Variants in CREB3L1 observed in about 807,000 individuals in gnomAD.
The protein encoded by CREB3L1 is cyclic AMP-responsive element-binding protein 3-like protein 1.
CREB3L1 carries 33 observed loss-of-function variants against 54.5 expected under a neutral mutation model. That is an observed-to-expected ratio of 0.61 (90% CI 0.46 to 0.81). The LOEUF (loss-of-function observed/expected upper bound fraction) is 0.81. CREB3L1 is among the 30% of genes least tolerant of loss of function. The pLI, the probability that CREB3L1 is intolerant of heterozygous loss-of-function variation, is 0.00. For missense variants in CREB3L1, 656 were observed against 673.3 expected, an observed-to-expected ratio of 0.97 and a Z score of 0.29; for synonymous variants, 284 against 286.4, an observed-to-expected ratio of 0.99 and a Z score of 0.08.
intron 1 of CREB3L1, among the ~76,000 whole-genome samples, chr11:46,290,167 G>A (rs1286072500): frequency 1.3e-5 from 2 of 152,114 alleles, no homozygotes; most frequent in African/African-American, 2.4e-5. Context: ...GAGGCCCAAG[G>A]CAACTCCGCC....
chr11:46,282,574 CT>C (rs1045680917), intron 1 of CREB3L1, among the ~76,000 whole-genome samples: 2 of 152,208 alleles, frequency 1.3e-5, no homozygotes, highest in African/African-American at 4.8e-5. Context: ...ATCTGGACTG[CT>C]TTTCCCCCAG....
Position 46,278,279 on chromosome 11 carries a change from C to T in CREB3L1, c.102+66C>T. 9.9e-7 allele frequency: 1 copy of T among 1,010,376 alleles called. No homozygotes were observed. Among genetic ancestry groups the T allele is most frequent in the East Asian group, 2.9e-5 (1 of 34,452 alleles). 62.6% of individuals were successfully genotyped at this position (1,010,376 alleles called of 1,614,324 possible). ...CCCGTCCTCGCGGCGCGCCTGGGCCCCTAGAAGGACCCGACTACACATCAC... is the reference window on the plus strand; with the variant it reads ...CCCGTCCTCGCGGCGCGCCTGGGCCTCTAGAAGGACCCGACTACACATCAC... On this transcript the variant is annotated intron_variant, in intron 1 of 11. Coordinates refer to ENST00000621158, the MANE Select transcript of CREB3L1 (RefSeq NM_052854.4). The surrounding 1 kb of genome is among the most constrained non-coding windows in gnomAD (Gnocchi z 4.2).
At chr11:46,304,651 T>C (rs1939352659) in intron 2 of CREB3L1, among the ~76,000 whole-genome samples, 1 of 146,930 alleles carries the variant, frequency 6.8e-6, no homozygotes, top group South Asian at 2.2e-4. Context: ...GCCCAGCAAC[T>C]CCTTAGCCAC....
At chr11:46,315,660 T>G (rs564208249) in intron 8 of CREB3L1, 5 of 178,762 alleles carry the variant, frequency 2.8e-5, no homozygotes. Flanking sequence ...CCGTCTCTAC[T>G]AAAAATACAA....
chr11:46,284,298 G>A (rs1032137326), intron 1 of CREB3L1, among the ~76,000 whole-genome samples: 24 of 152,042 alleles, frequency 1.6e-4, no homozygotes, highest in Non-Finnish European at 2.9e-4. Context: ...TTTCTCAGAA[G>A]GTGATCTCTG....
At chr11:46,293,076 C>T (rs1018054957) in intron 1 of CREB3L1, among the ~76,000 whole-genome samples, 16 of 152,194 alleles carry the variant, frequency 1.1e-4, no homozygotes, top group African/African-American at 3.6e-4. Context: ...AAGCTGGGCA[C>T]CCAGTAGGTG....
intron 4 of CREB3L1, 45 bp from the exon 5 acceptor site, chr11:46,310,987 G>A (rs1353578813): frequency 1.3e-6 from 2 of 1,519,066 alleles, no homozygotes; most frequent in East Asian, 2.4e-5. Flanking sequence ...TCCAAGTGGA[G>A]CTGATGTGCA....
Position 46,277,986 on chromosome 11 carries a change from C to CCGGGGG in CREB3L1, c.-126_-125insCGGGGG. On this transcript the variant is annotated 5_prime_UTR_variant, in exon 1 of 12. Transcript: ENST00000621158. The stretch of plus-strand genomic sequence containing the variant: ...GCGCCGCCTCCGTCCGCCCCTCCCC[C>CCGGGGG]GGGGCTTCGCCCCGGACCTGCCCCC... 1.9e-5 allele frequency: 8 copies of CCGGGGG among 423,426 alleles called. No individual in the cohort carries two copies. The highest frequency in any genetic ancestry group is 3.8e-5 in the East Asian group (1 of 26,092). 26.2% of individuals were successfully genotyped at this position (423,426 alleles called of 1,614,324 possible). A position where few individuals can be genotyped will look rare whatever the true frequency, so the allele number is the denominator to read the frequency against.
intron 8 of CREB3L1, among the ~76,000 whole-genome samples, chr11:46,313,161 G>A (rs895828951): frequency 7.9e-5 from 12 of 152,158 alleles, no homozygotes; most frequent in Non-Finnish European, 1.3e-4. Context: ...TTTTCAAAGT[G>A]TGGTCCTCAG....
Position 46,278,499 on chromosome 11 carries a change from A to C in CREB3L1, c.102+286A>C, listed in dbSNP as rs1180063139. On this transcript the variant is annotated intron_variant, in intron 1 of 11. Coordinates refer to ENST00000621158, the MANE Select transcript of CREB3L1 (RefSeq NM_052854.4). This position sits in a 1 kb window ranked among gnomAD's most constrained non-coding sequence, Gnocchi z 4.2. ...GAGACACCAATCCCGCCCTCCACCC[A>C]CGTCTTCTAGCCGTCCCCAACCCAC... 6.6e-6 allele frequency among the ~76,000 whole-genome samples: 1 copy of C among 152,002 alleles called. No individual in the cohort carries two copies. Among genetic ancestry groups the C allele is most frequent in the Non-Finnish European group, 1.5e-5 (1 of 67,978 alleles).
At chr11:46,316,125 A>G in intron 8 of CREB3L1, 161 bp from the exon 9 acceptor site, 1 of 570,092 alleles carries the variant, frequency 1.8e-6, no homozygotes, top group Non-Finnish European at 3.1e-6. Context: ...GCGCCAGGCC[A>G]CTCTGCAGAG....
At chr11:46,298,150 C>T (rs1014048960) in intron 1 of CREB3L1, among the ~76,000 whole-genome samples, 3 of 152,156 alleles carry the variant, frequency 2.0e-5, no homozygotes, top group African/African-American at 7.2e-5. Flanking sequence ...CTACTCCATG[C>T]AGACAGACTC....
intron 2 of CREB3L1, among the ~76,000 whole-genome samples, chr11:46,300,861 C>T (rs1434145281): frequency 1.3e-5 from 2 of 151,886 alleles, no homozygotes; most frequent in Non-Finnish European, 2.9e-5. Context: ...AAAAATTACC[C>T]GGGGGTGGTG....
At position 46,289,398 on chromosome 11, in the gene CREB3L1, C is replaced by T. The variant is rs996094730; in HGVS notation, c.103-10537C>T. Among the ~76,000 whole-genome samples the T allele has an allele frequency of 2.0e-5, 3 of 152,202 alleles. No individual in the cohort carries two copies. The South Asian group carries it at 6.2e-4, about 32-fold the overall frequency. ...CATCTCCAAAACAAAAAAGATGAAA[C>T]CTGTCCTTGATCTACCCGAAAGAAG... On this transcript the variant is annotated intron_variant, in intron 1 of 11. Coordinates refer to ENST00000621158, the MANE Select transcript of CREB3L1 (RefSeq NM_052854.4).
In CREB3L1 at chr11:46,317,422, C is replaced by A. The variant is rs769383549; in HGVS notation, c.1193C>A (p.Ser398Tyr). The A allele has an allele frequency of 6.2e-7, 1 of 1,613,772 alleles. No homozygotes were observed. Among genetic ancestry groups the A allele is most frequent in the South Asian group, 1.1e-5 (1 of 91,090 alleles). The change falls in exon 10 of 12, where the codon TCC becomes TAC. Residue 398 changes from serine to tyrosine, a missense_variant. Physicochemically the swap from Ser to Tyr is moderately radical, Grantham distance 144. Around this residue, in one of 3 missense-constraint regions of CREB3L1, gnomAD observed 240 missense variants for 219.8 expected, o/e 1.09. Coordinates refer to ENST00000621158, the MANE Select transcript of CREB3L1 (RefSeq NM_052854.4). ...GSLVPCLPEF[S>Y]SGSQTVKEDP... Reference sequence around the variant, plus strand: ...CTCGTGCCCTGCCTTCCCGAGTTCTCCTCCGGCTCCCAGACTGTGAAGGAA... The same window carrying A: ...CTCGTGCCCTGCCTTCCCGAGTTCTACTCCGGCTCCCAGACTGTGAAGGAA...
In CREB3L1 at chr11:46,300,052, G is replaced by T; in HGVS notation, c.220G>T (p.Glu74Ter). 6.2e-7 allele frequency: 1 copy of T among 1,613,942 alleles called. No individual in the cohort carries two copies. Among genetic ancestry groups the T allele is most frequent in the Non-Finnish European group, 8.5e-7 (1 of 1,179,882 alleles). Residue 74 changes from glutamate (E) to a stop codon, truncating the protein, a stop_gained, in exon 2 of 12, where the codon GAA (glutamate) becomes TAA (stop). Transcript: ENST00000621158. LOFTEE classifies it high-confidence loss of function. ...LDEKSPLLDM[E>*]LDSPTPGIQA... The stretch of plus-strand genomic sequence containing the variant: ...TGAGAAGAGCCCTCTATTGGACATG[G>T]AACTGGACTCCCCTACGCCAGGCAT...
In CREB3L1 at chr11:46,311,117, C is replaced by T. The variant is rs761704234; in HGVS notation, c.681C>T (p.Pro227=). 7 of 1,607,706 alleles carry T rather than the reference C, an allele frequency of 4.4e-6. No individual in the cohort carries two copies. The highest frequency in any genetic ancestry group is 2.7e-5 in the African/African-American group (2 of 74,882). The part of the protein sequence containing the change: ...DGSQSPRSLP[P]SSPVRPMARS... ...CCCAGAGTCCCCGCTCTCTGCCCCC[C>T]TCCAGCCCTGTCAGGCCCATGGCGC... is the stretch of plus-strand genomic sequence containing the variant. Residue 227 remains proline, a synonymous_variant, in exon 5 of 12, where the codon CCC becomes CCT. Coordinates refer to ENST00000621158, the MANE Select transcript of CREB3L1 (RefSeq NM_052854.4).
intron 1 of CREB3L1, among the ~76,000 whole-genome samples, chr11:46,296,168 A>T (rs1185388648): frequency 2.0e-5 from 3 of 152,038 alleles, no homozygotes; most frequent in African/African-American, 7.2e-5. Flanking sequence ...TCCATCGGAC[A>T]ATCTAAACCT....
chr11:46,316,235 G>A (rs1939563878), intron 8 of CREB3L1, 51 bp from the exon 9 acceptor site: 1 of 1,208,420 alleles, frequency 8.3e-7, no homozygotes, highest in Non-Finnish European at 1.2e-6. Context: ...CCAGGAGGCA[G>A]AGATGCCTGC....
Sources: allele counts gnomAD v4.1 joint callset (sites outside exome capture counted in the v4.1 genomes callset), GRCh38; gene constraint gnomAD v4.1.1; regional missense constraint gnomAD v4.1.1; non-coding constraint Gnocchi (gnomAD v3.1); transcripts MANE v1.5; gene names NCBI Gene and HGNC (gene_info 2026-07-23, HGNC 2026-07-21).